Variants in CWC27 observed in about 807,000 individuals in gnomAD.
CWC27 encodes spliceosome-associated protein CWC27 homolog.
A neutral mutation model predicts 63.6 loss-of-function variants in CWC27; 47 were observed. The ratio of observed to expected loss-of-function variants is 0.74; its 90% confidence interval spans 0.58 to 0.94. The LOEUF (loss-of-function observed/expected upper bound fraction) is 0.94. Among genes scored for constraint, CWC27 ranks in the 40% least tolerant of loss-of-function variants. The pLI, the probability that CWC27 is intolerant of heterozygous loss-of-function variation, is 0.00. For synonymous variants in CWC27, 175 were observed against 179.8 expected (o/e 0.97, Z 0.22); for missense variants, 495 against 554.3 (o/e 0.89, Z 1.07).
chr5:64,933,162 G>A (rs1399236661), intron 11 of CWC27, among the ~76,000 whole-genome samples: 2 of 152,120 alleles, frequency 1.3e-5, no homozygotes, highest in Non-Finnish European at 2.9e-5. Flanking sequence ...TGCTGATACT[G>A]CAGATCCAGT....
chr5:64,840,480 A>C (rs1745803876), intron 10 of CWC27, among the ~76,000 whole-genome samples: 1 of 143,464 alleles, frequency 7.0e-6, no homozygotes, highest in South Asian at 2.3e-4. Context: ...ATGGAAAAAA[A>C]ACTTTTTTTC....
intron 12 of CWC27, among the ~76,000 whole-genome samples, chr5:64,975,391 T>C (rs1268058049): frequency 6.6e-6 from 1 of 152,268 alleles, no homozygotes; most frequent in Admixed American, 6.5e-5. Context: ...TTTTTCCTTA[T>C]GAAATGTGAG....
chr5:64,902,747 G>A (rs995869383), intron 11 of CWC27, among the ~76,000 whole-genome samples: 2 of 151,494 alleles, frequency 1.3e-5, no homozygotes, highest in Non-Finnish European at 2.9e-5. Flanking sequence ...CAATTTCTAC[G>A]AAAAAAAAGC....
intron 11 of CWC27, among the ~76,000 whole-genome samples, chr5:64,932,380 T>C (rs1261371510): frequency 6.6e-6 from 1 of 152,118 alleles, no homozygotes; most frequent in Non-Finnish European, 1.5e-5. Flanking sequence ...AATTCTTAAC[T>C]TGTAAAATTA....
chr5:64,959,072 T>G (rs1284095162), intron 11 of CWC27, among the ~76,000 whole-genome samples: 1 of 152,160 alleles, frequency 6.6e-6, no homozygotes, highest in Non-Finnish European at 1.5e-5. Context: ...AATGGTAGTT[T>G]TTTTATTGTA....
At chr5:64,769,405 C>T (rs1308409759) in intron 1 of CWC27, among the ~76,000 whole-genome samples, 1 of 152,186 alleles carries the variant, frequency 6.6e-6, no homozygotes, top group African/African-American at 2.4e-5. Flanking sequence ...CTCTACCTAC[C>T]AGCATTCCGG....
chr5:64,828,110 T>C (rs938895453), intron 10 of CWC27, among the ~76,000 whole-genome samples: 14 of 152,048 alleles, frequency 9.2e-5, no homozygotes, highest in African/African-American at 3.1e-4. Context: ...GACTATGTAT[T>C]CTCTAATAAT....
intron 11 of CWC27, among the ~76,000 whole-genome samples, chr5:64,937,869 AT>A (rs1271833984): frequency 7.3e-6 from 1 of 137,162 alleles, no homozygotes; most frequent in African/African-American, 2.8e-5. Context: ...GTCTTTTTTG[AT>A]CTTTGTTAGT....
At chr5:64,977,390 A>C (rs983051209) in intron 13 of CWC27, 152 bp downstream of exon 13, 1 of 532,082 alleles carries the variant, frequency 1.9e-6, no homozygotes, top group South Asian at 2.9e-5. Context: ...TTTCAGTTCA[A>C]TATAAAGTAA....
intron 10 of CWC27, among the ~76,000 whole-genome samples, chr5:64,865,226 G>A (rs1260375083): frequency 6.6e-6 from 1 of 151,890 alleles, no homozygotes; most frequent in Non-Finnish European, 1.5e-5. Context: ...TGTGGCCCTT[G>A]GTTGTTAAAT....
intron 13 of CWC27, among the ~76,000 whole-genome samples, chr5:65,017,917 GACTGAGGCAAAGAGACTCTCTACTAGAA>G (rs1422250743): frequency 2.0e-5 from 3 of 152,218 alleles, no homozygotes; most frequent in African/African-American, 7.2e-5. Flanking sequence ...CTCAAGTGAA[GACTGAGGCAAAGAGACTCTCTACTAGAA>G]ATACAAACCA....
At chr5:64,848,347 T>G (rs1001048286) in intron 10 of CWC27, among the ~76,000 whole-genome samples, 1 of 152,172 alleles carries the variant, frequency 6.6e-6, no homozygotes, top group Non-Finnish European at 1.5e-5. Context: ...TTAGTAATTC[T>G]TAAGATCTCC....
chr5:64,842,832 C>T (rs1436274734), intron 10 of CWC27, among the ~76,000 whole-genome samples: 1 of 151,706 alleles, frequency 6.6e-6, no homozygotes, highest in African/African-American at 2.4e-5. Context: ...AAACTCCTGA[C>T]TCAAGCAATC....
intron 10 of CWC27, among the ~76,000 whole-genome samples, chr5:64,812,606 G>T (rs1019249417): frequency 4.6e-5 from 7 of 152,016 alleles, no homozygotes; most frequent in Non-Finnish European, 1.5e-5. Flanking sequence ...CCAGTCTCAG[G>T]TTTAATGAAA....
chr5:64,890,358 T>C lies in CWC27; in HGVS notation c.1042+4812T>C, dbSNP rs150003791. ...TCAGGCTTGATAGGTTGTGAAAGTA[T>C]ATAGTTTTTGAGTACTTTTCATCTG... On this transcript the variant is annotated intron_variant, in intron 11 of 13. Coordinates refer to ENST00000381070, the MANE Select transcript of CWC27 (RefSeq NM_005869.4). 1.4e-4 allele frequency among the ~76,000 whole-genome samples: 22 copies of C among 152,328 alleles called. No homozygotes were observed. In the East Asian group the frequency reaches 4.1e-3, roughly 28 times the overall value.
intron 10 of CWC27, among the ~76,000 whole-genome samples, chr5:64,822,748 A>C (rs1745240401): frequency 6.6e-6 from 1 of 152,198 alleles, no homozygotes; most frequent in Non-Finnish European, 1.5e-5. Flanking sequence ...GAGTAAATCA[A>C]TTTGAAGGAT....
At chr5:64,924,116 C>G (rs543335119) in intron 11 of CWC27, among the ~76,000 whole-genome samples, 1 of 152,254 alleles carries the variant, frequency 6.6e-6, no homozygotes, top group Admixed American at 6.5e-5. Context: ...TCTGGTATAT[C>G]CCTATTCCAG....
At chr5:64,917,111 T>C (rs1265401117) in intron 11 of CWC27, among the ~76,000 whole-genome samples, 2 of 152,170 alleles carry the variant, frequency 1.3e-5, no homozygotes, top group South Asian at 2.1e-4. Context: ...TTCTCATTCC[T>C]CTACAAAACT....
At chr5:64,922,535 T>G (rs1273456288) in intron 11 of CWC27, among the ~76,000 whole-genome samples, 1 of 152,244 alleles carries the variant, frequency 6.6e-6, no homozygotes, top group African/African-American at 2.4e-5. Flanking sequence ...CGTATCAGTT[T>G]ACTGTTTTCC....
Sources: allele counts gnomAD v4.1 joint callset (sites outside exome capture counted in the v4.1 genomes callset), GRCh38; gene constraint gnomAD v4.1.1; transcripts MANE v1.5; gene names NCBI Gene and HGNC (gene_info 2026-07-23, HGNC 2026-07-21).